Variants in SLC39A8 observed in about 807,000 individuals in gnomAD.
The protein encoded by SLC39A8 is solute carrier family 39 member 8, also known as metal cation symporter ZIP8.
SLC39A8 carries 15 observed loss-of-function variants against 40.4 expected under a neutral mutation model. The ratio of observed to expected loss-of-function variants is 0.37; its 90% CI spans 0.25 to 0.57. The LOEUF is 0.57. Among genes scored for constraint, SLC39A8 ranks in the 20% least tolerant of loss-of-function variants. The pLI is 0.75. For synonymous variants in SLC39A8, 223 were observed against 221.6 expected (o/e 1.01, Z -0.06); for missense variants, 472 against 558.8 (o/e 0.84, Z 1.57).
intron 2 of SLC39A8, among the ~76,000 whole-genome samples, chr4:102,330,018 G>T (rs1449411149): frequency 6.6e-6 from 1 of 152,176 alleles, no homozygotes. Context: ...CACAGCTAAA[G>T]CAGTGTTTAG....
chr4:102,324,240 T>C, intron 2 of SLC39A8: 1 of 362,226 alleles, frequency 2.8e-6, no homozygotes, highest in Non-Finnish European at 5.6e-6. Flanking sequence ...ACTAAAAATA[T>C]AAAAATTACC....
downstream of SLC39A8, chr4:102,251,053 A>C (rs538181621): frequency 6.6e-5 from 10 of 152,338 alleles, no homozygotes; most frequent in African/African-American, 2.2e-4. Context: ...TGTTTGTTTA[A>C]ATTTATTTGT....
At chr4:102,324,428 T>A (rs542430098) in intron 2 of SLC39A8, among the ~76,000 whole-genome samples, 2 of 151,938 alleles carry the variant, frequency 1.3e-5, no homozygotes, top group East Asian at 3.9e-4. Flanking sequence ...AGTTCAAACA[T>A]CAGCCAACTT....
intron 6 of SLC39A8, among the ~76,000 whole-genome samples, chr4:102,288,785 A>C (rs952390767): frequency 6.6e-6 from 1 of 152,154 alleles, no homozygotes; most frequent in African/African-American, 2.4e-5. Flanking sequence ...AATTCTATGA[A>C]GGCTGAGAGA....
downstream of SLC39A8, among the ~76,000 whole-genome samples, chr4:102,256,932 G>A (rs1041153564): frequency 1.3e-4 from 20 of 152,210 alleles, no homozygotes; most frequent in African/African-American, 4.8e-4. Flanking sequence ...AGACAGTAGA[G>A]CTGTTACTAC....
intron 6 of SLC39A8, among the ~76,000 whole-genome samples, chr4:102,270,294 C>T (rs1732292073): frequency 6.6e-6 from 1 of 152,142 alleles, no homozygotes; most frequent in South Asian, 2.1e-4. Flanking sequence ...ATTCTCATAC[C>T]TCTAAGTACA....
exon 12 of SLC39A8, chr4:102,251,670 G>A (rs1053526382): frequency 2.0e-5 from 3 of 152,358 alleles, no homozygotes; most frequent in Admixed American, 6.5e-5. Context: ...AGAGTCAATC[G>A]CTTCTATACT....
chr4:102,296,690 T>C (rs1560544363), intron 6 of SLC39A8, among the ~76,000 whole-genome samples: 1 of 152,138 alleles, frequency 6.6e-6, no homozygotes, highest in African/African-American at 2.4e-5. Flanking sequence ...TTCCAAAGCC[T>C]ATGCTTCTCT....
At chr4:102,253,209 G>C (rs1731632535) in exon 12 of SLC39A8, 1 of 400,872 alleles carries the variant, frequency 2.5e-6, no homozygotes, top group African/African-American at 2.1e-5. Context: ...CAAAACAGTA[G>C]CAAAATGGCT....
At chr4:102,272,605 A>C (rs939633789) in intron 6 of SLC39A8, among the ~76,000 whole-genome samples, 10 of 151,980 alleles carry the variant, frequency 6.6e-5, no homozygotes, top group Non-Finnish European at 1.5e-4. Flanking sequence ...CAGATAAATA[A>C]AGTAATCTAT....
chr4:102,319,666 C>A (rs963632574), intron 2 of SLC39A8, among the ~76,000 whole-genome samples: 1 of 152,068 alleles, frequency 6.6e-6, no homozygotes, highest in African/African-American at 2.4e-5. Flanking sequence ...TAAATCCCTA[C>A]TTGTCCATGT....
At chr4:102,274,399 A>G (rs947907227) in intron 6 of SLC39A8, among the ~76,000 whole-genome samples, 7 of 152,240 alleles carry the variant, frequency 4.6e-5, no homozygotes, top group Non-Finnish European at 7.3e-5. Context: ...ACAAGATTAG[A>G]GAAAAAACAA....
chr4:102,304,875 C>A, intron 5 of SLC39A8, 114 bp downstream of exon 5: 1 of 869,346 alleles, frequency 1.2e-6, no homozygotes. Context: ...AACTCACAAG[C>A]CTAATAACTG....
intron 6 of SLC39A8, among the ~76,000 whole-genome samples, chr4:102,303,591 A>G (rs74888912): frequency 0.014 from 2,167 of 151,972 alleles, 58 homozygotes; most frequent in African/African-American, 0.05. Flanking sequence ...AGAAGGAGGG[A>G]GAGTCCTAGG....
At chr4:102,322,818 G>A (rs557251776) in intron 2 of SLC39A8, among the ~76,000 whole-genome samples, 8 of 152,278 alleles carry the variant, frequency 5.3e-5, no homozygotes, top group South Asian at 2.1e-4. Context: ...TAAAGGCAGG[G>A]AGACACAGAT....
At chr4:102,265,192 G>T (rs78905462) in intron 8 of SLC39A8, among the ~76,000 whole-genome samples, 3,520 of 152,144 alleles carry the variant, frequency 0.023, 154 homozygotes, top group African/African-American at 0.081. Flanking sequence ...TATGATAGAT[G>T]TGCAGCTCTT....
intron 2 of SLC39A8, among the ~76,000 whole-genome samples, chr4:102,319,485 A>G (rs1476634843): frequency 6.6e-6 from 1 of 152,170 alleles, no homozygotes; most frequent in East Asian, 1.9e-4. Flanking sequence ...CTTCTAACTC[A>G]GTTTAAAGAG....
chr4:102,278,152 A>C (rs1225135375), intron 6 of SLC39A8, among the ~76,000 whole-genome samples: 1 of 152,224 alleles, frequency 6.6e-6, no homozygotes, highest in Non-Finnish European at 1.5e-5. Flanking sequence ...TAATTAAACT[A>C]AAGAGCTTCT....
intron 6 of SLC39A8, among the ~76,000 whole-genome samples, chr4:102,276,358 C>A (rs888726136): frequency 6.6e-6 from 1 of 152,190 alleles, no homozygotes; most frequent in Non-Finnish European, 1.5e-5. Flanking sequence ...ACTGTAAACA[C>A]TTCTACGCAA....
Sources: allele counts gnomAD v4.1 joint callset (sites outside exome capture counted in the v4.1 genomes callset), GRCh38; gene constraint gnomAD v4.1.1; transcripts MANE v1.5; gene names NCBI Gene and HGNC (gene_info 2026-07-23, HGNC 2026-07-21).